CLUL1: variants seen among roughly 807,000 people sequenced by gnomAD.
The protein encoded by CLUL1 is clusterin like 1.
A neutral mutation model predicts 49.4 loss-of-function variants in CLUL1; 43 were observed. The ratio of observed to expected loss-of-function variants is 0.87; its 90% CI spans 0.68 to 1.12. The LOEUF (loss-of-function observed/expected upper bound fraction) is 1.12. CLUL1 is among the 50% of genes most tolerant of loss of function. The probability of loss-of-function intolerance (pLI) is 0.00; values close to 1 mark genes in which losing one functional copy is unlikely to be tolerated. For missense variants in CLUL1, 486 were observed against 544.4 expected (o/e 0.89, Z 1.07); for synonymous variants, 192 against 184.9 (o/e 1.04, Z -0.31).
intron 4 of CLUL1, among the ~76,000 whole-genome samples, chr18:624,172 C>T (rs1040193135): frequency 6.6e-6 from 1 of 152,096 alleles, no homozygotes; most frequent in African/African-American, 2.4e-5. Flanking sequence ...CAGAGCAGGA[C>T]TTGGCCAAGT....
chr18:628,526 G>A (rs182928347), intron 6 of CLUL1, among the ~76,000 whole-genome samples: 2 of 152,268 alleles, frequency 1.3e-5, no homozygotes, highest in Admixed American at 1.3e-4. Flanking sequence ...GTCAAGTGTA[G>A]GATCTGCATT....
Position 618,112 on chromosome 18 carries a change from T to A in CLUL1, c.106+6T>A. The A allele has an allele frequency of 1.9e-6, 3 of 1,605,242 alleles. No homozygotes were observed. The highest frequency in any genetic ancestry group is 2.6e-6 in the Non-Finnish European group (3 of 1,172,012). On this transcript the variant is annotated splice_donor_region_variant and intron_variant, in intron 3 of 9. Transcript: ENST00000692774. This position sits in a 1 kb window ranked among gnomAD's most constrained non-coding sequence, Gnocchi z 4.2. ...TATCAGTGAAAACCTGAAGAGTACG[T>A]TTGGTTTCTTATCTGTGCTGTGTCC... is the stretch of plus-strand genomic sequence containing the variant.
chr18:639,865 C>T (rs2074290079), intron 7 of CLUL1, among the ~76,000 whole-genome samples: 3 of 151,982 alleles, frequency 2.0e-5, no homozygotes, highest in Non-Finnish European at 4.4e-5. Flanking sequence ...AAGGAACCAG[C>T]AGGGTGTTAG....
At chr18:645,937 TA>T (rs1381852547) in intron 9 of CLUL1, among the ~76,000 whole-genome samples, 2 of 146,724 alleles carry the variant, frequency 1.4e-5, no homozygotes, top group Non-Finnish European at 3.0e-5. Flanking sequence ...TATGAAACGT[TA>T]AAAATATTCA....
intron 6 of CLUL1, among the ~76,000 whole-genome samples, chr18:631,865 GA>G (rs2074001738): frequency 6.6e-6 from 1 of 152,114 alleles, no homozygotes; most frequent in Admixed American, 6.5e-5. Flanking sequence ...CATAAAGCAG[GA>G]ATTAATTCTA....
At chr18:628,988 A>G (rs2073906254) in intron 6 of CLUL1, among the ~76,000 whole-genome samples, 1 of 152,116 alleles carries the variant, frequency 6.6e-6, no homozygotes, top group Admixed American at 6.6e-5. Context: ...TTTTTCAATT[A>G]TATTAGCTGT....
intron 4 of CLUL1, among the ~76,000 whole-genome samples, chr18:624,520 C>T (rs1442228588): frequency 1.3e-5 from 2 of 152,076 alleles, no homozygotes; most frequent in Admixed American, 6.6e-5. Flanking sequence ...ACAGACTTAC[C>T]GGTAAATAGG....
At chr18:604,253 G>A (rs913604895) in intron 1 of CLUL1, among the ~76,000 whole-genome samples, 29 of 152,216 alleles carry the variant, frequency 1.9e-4, no homozygotes, top group African/African-American at 6.5e-4. Flanking sequence ...TCCAGTTGCT[G>A]AGTAGTATTC....
At chr18:625,560 C>CA (rs1555633103) in intron 5 of CLUL1, among the ~76,000 whole-genome samples, 2 of 149,678 alleles carry the variant, frequency 1.3e-5, no homozygotes, top group Non-Finnish European at 3.0e-5. Flanking sequence ...CACACACACA[C>CA]CCCTTCATGT....
chr18:645,391 A>T (rs1354826040), intron 9 of CLUL1, among the ~76,000 whole-genome samples: 2 of 152,224 alleles, frequency 1.3e-5, no homozygotes, highest in Admixed American at 1.3e-4. Flanking sequence ...AAGAGCCATA[A>T]AATTTCCTTT....
intron 9 of CLUL1, among the ~76,000 whole-genome samples, chr18:647,050 T>G (rs2074528390): frequency 6.6e-6 from 1 of 151,998 alleles, no homozygotes; most frequent in South Asian, 2.1e-4. Flanking sequence ...CACACTGGCC[T>G]CCTCTCCCTT....
chr18:600,956 C>T (rs1196046489), intron 1 of CLUL1, among the ~76,000 whole-genome samples: 1 of 152,178 alleles, frequency 6.6e-6, no homozygotes. Context: ...GGCTGAGGGA[C>T]AATGGGTACT....
intron 1 of CLUL1, among the ~76,000 whole-genome samples, chr18:600,441 C>T (rs561242): frequency 0.36 from 55,254 of 152,056 alleles, 10,254 homozygotes; most frequent in Middle Eastern, 0.55. Context: ...TCGCTTAGCA[C>T]ATGCAGAGAT....
intron 2 of CLUL1, among the ~76,000 whole-genome samples, chr18:614,293 A>C (rs1473612600): frequency 2.1e-5 from 3 of 142,238 alleles, no homozygotes; most frequent in Non-Finnish European, 4.6e-5. Context: ...ACATAAGGAA[A>C]GAAGGAAGGG....
intron 2 of CLUL1, among the ~76,000 whole-genome samples, chr18:608,274 T>G (rs939203163): frequency 3.3e-5 from 5 of 152,150 alleles, no homozygotes; most frequent in African/African-American, 1.2e-4. Flanking sequence ...CCGCTCTGGC[T>G]CTCACTGAGC....
In CLUL1 at chr18:644,948, A is replaced by C. The variant is rs1317124997; in HGVS notation, c.1248A>C (p.Gln416His). Residue 416 changes from glutamine to histidine, a missense_variant, in exon 9 of 10, where the codon CAA (glutamine) becomes CAC (histidine). Transcript: ENST00000692774. ...TTCATGAAGGAAATATTTCCAAACAAGATGAAACAATGATGACAGACTTAA... is the reference window on the plus strand; with the variant it reads ...TTCATGAAGGAAATATTTCCAAACACGATGAAACAATGATGACAGACTTAA... ...PRIHEGNISK[Q>H]DETMMTDLSI... 6.2e-7 allele frequency: 1 copy of C among 1,613,308 alleles called. No individual in the cohort carries two copies. Among genetic ancestry groups the C allele is most frequent in the African/African-American group, 1.3e-5 (1 of 74,924 alleles).
At chr18:628,068 C>T (rs146599036) in intron 6 of CLUL1, among the ~76,000 whole-genome samples, 4,548 of 152,312 alleles carry the variant, frequency 0.03, 124 homozygotes, top group Non-Finnish European at 0.051. Context: ...CTCAGGTGAT[C>T]CACCCGCCTT....
chr18:616,783 T>A (rs485312), intron 2 of CLUL1: 754,578 of 779,624 alleles, frequency 0.97, 365,898 homozygotes, highest in East Asian at 1. Context: ...ACTATATTAA[T>A]AAGTTTTGTT....
At chr18:607,602 T>A (rs2073014359) in intron 2 of CLUL1, among the ~76,000 whole-genome samples, 1 of 152,052 alleles carries the variant, frequency 6.6e-6, no homozygotes, top group South Asian at 2.1e-4. Flanking sequence ...TTTTTTAAAA[T>A]TTTTTTGTAG....
Sources: allele counts gnomAD v4.1 joint callset (sites outside exome capture counted in the v4.1 genomes callset), GRCh38; gene constraint gnomAD v4.1.1; non-coding constraint Gnocchi (gnomAD v3.1); transcripts MANE v1.5; gene names NCBI Gene and HGNC (gene_info 2026-07-23, HGNC 2026-07-21).